LAMB3: variants seen among roughly 807,000 people sequenced by gnomAD.
LAMB3 encodes laminin subunit beta-3.
Under a neutral mutation model 140.3 loss-of-function variants are expected in LAMB3, and 104 were observed. The ratio of observed to expected loss-of-function variants is 0.74; its 90% CI spans 0.63 to 0.87. The LOEUF (loss-of-function observed/expected upper bound fraction) is 0.87, where lower values mean the gene tolerates loss of function less well. Among genes scored for constraint, LAMB3 ranks in the 40% least tolerant of loss-of-function variants. The pLI is 0.00. For synonymous variants in LAMB3, 592 were observed against 602.9 expected (o/e 0.98, Z 0.26); for missense variants, 1,531 against 1,575.2 (o/e 0.97, Z 0.47).
intron 6 of LAMB3, among the ~76,000 whole-genome samples, chr1:209,633,906 A>G (rs1392291067): frequency 6.6e-6 from 1 of 152,196 alleles, no homozygotes; most frequent in African/African-American, 2.4e-5. Context: ...AGGGAGAAAC[A>G]TTCTGAGTTT....
intron 6 of LAMB3, 140 bp downstream of exon 6, chr1:209,634,306 AC>A: frequency 4.8e-6 from 4 of 830,310 alleles, no homozygotes; most frequent in Admixed American, 1.9e-5. Context: ...AGGGGTCATT[AC>A]TGGTGGGAAT....
Position 209,618,587 on chromosome 1 carries a change from G to A in LAMB3, c.2774C>T (p.Ser925Leu), listed in dbSNP as rs572365081. The A allele has an allele frequency of 6.2e-7, 1 of 1,614,278 alleles. No individual in the cohort carries two copies. The highest frequency in any genetic ancestry group is 1.1e-5 in the South Asian group (1 of 91,090). The change falls in exon 19 of 23, where the codon TCA becomes TTA. Residue 925 changes from serine to leucine, a missense_variant. Coordinates refer to ENST00000356082, the MANE Select transcript of LAMB3 (RefSeq NM_000228.3). ...ATTCATCTTCTGCAGAACAGTAGCT[G>A]AGTCTGTGGGCAGCCACAGGGCCAG... ...AVLALWLPTD[S>L]ATVLQKMNEI...
In LAMB3 at chr1:209,634,461, G is replaced by A. The variant is rs1666818414; in HGVS notation, c.550C>T (p.Leu184=). ...CCTCTACCTACCTTCCCCCCATTTA[G>A]GCGTGCATTAGGCCTCTGAGGCAGG... The part of the protein sequence containing the change: ...QSLPQRPNAR[L]NGGKVQLNLM... The change falls in exon 6 of 23, where the codon CTA becomes TTA. Residue 184 remains leucine, a synonymous_variant. Coordinates refer to ENST00000356082, the MANE Select transcript of LAMB3 (RefSeq NM_000228.3). 1 of 1,613,970 alleles carries A rather than the reference G, an allele frequency of 6.2e-7. No homozygotes were observed. The highest frequency in any genetic ancestry group is 1.3e-5 in the African/African-American group (1 of 74,886).
At chr1:209,616,767 T>C (rs1411489128) in intron 21 of LAMB3, 143 bp from the exon 22 acceptor site, 3 of 793,170 alleles carry the variant, frequency 3.8e-6, no homozygotes, top group Admixed American at 4.0e-5. Context: ...GTTTTGCCTA[T>C]TGAAACCCCT....
chr1:209,615,260 A>G lies in LAMB3; in HGVS notation c.*11T>C, dbSNP rs1665910180. 1.9e-6 allele frequency: 3 copies of G among 1,614,098 alleles called. No individual in the cohort carries two copies. Among genetic ancestry groups the G allele is most frequent in the Non-Finnish European group, 2.5e-6 (3 of 1,180,028 alleles). ...GCAGATGAGTGGGGCAACGGGCTGGAAGCTGTAGCATCACTTGCAGGTGGC... is the reference window on the plus strand; with the variant it reads ...GCAGATGAGTGGGGCAACGGGCTGGGAGCTGTAGCATCACTTGCAGGTGGC... On this transcript the variant is annotated 3_prime_UTR_variant, in exon 23 of 23. Coordinates refer to ENST00000356082, the MANE Select transcript of LAMB3 (RefSeq NM_000228.3).
At chr1:209,640,905 C>T (rs1181854351) in intron 3 of LAMB3, among the ~76,000 whole-genome samples, 1 of 151,768 alleles carries the variant, frequency 6.6e-6, no homozygotes, top group Non-Finnish European at 1.5e-5. Context: ...CACAGTGAAA[C>T]CCCCTCTCTA....
At position 209,617,961 on chromosome 1, in the gene LAMB3, G is replaced by GT; in HGVS notation, c.2996dup (p.Asp999GlufsTer19). The GT allele has an allele frequency of 1.9e-6, 3 of 1,614,208 alleles. No homozygotes were observed. The highest frequency in any genetic ancestry group is 2.5e-6 in the Non-Finnish European group (3 of 1,180,044). ...GGGAGCGGCTGGTGCCTTGCATGGTGTCCTGAGCTTCCTGCAGTGCCACTG... is the reference window on the plus strand; with the variant it reads ...GGGAGCGGCTGGTGCCTTGCATGGTGTTCCTGAGCTTCCTGCAGTGCCACTG... On this transcript the variant is annotated frameshift_variant, in exon 20 of 23. Transcript: ENST00000356082. LOFTEE classifies it high-confidence loss of function.
chr1:209,628,338 G>A (rs1666554003), intron 10 of LAMB3, 148 bp from the exon 11 acceptor site: 3 of 859,504 alleles, frequency 3.5e-6, no homozygotes, highest in Non-Finnish European at 5.6e-6. Flanking sequence ...ATCCCTCTGT[G>A]CCTCAATTTC....
rs1306178274 is a variant in LAMB3, at chr1:209,616,701, T to C, written c.3229-77A>G. The stretch of plus-strand genomic sequence containing the variant: ...AGACCTGTGGCCAAAGCACTTGATA[T>C]CACCCAAATCAATACACAGTGGGAA... On this transcript the variant is annotated intron_variant, in intron 21 of 22. Transcript: ENST00000356082. 14 of 1,409,186 alleles carry C rather than the reference T, an allele frequency of 9.9e-6. No homozygotes were observed. The African/African-American group carries it at 1.8e-4, about 18-fold the overall frequency. The allele number at this position is 1,409,186 out of a possible 1,614,324, so 87.3% of individuals were successfully genotyped here.
Position 209,627,493 on chromosome 1 carries a change from C to T in LAMB3, c.1375G>A (p.Gly459Ser). 6.2e-7 allele frequency: 1 copy of T among 1,614,064 alleles called. No individual in the cohort carries two copies. The highest frequency in any genetic ancestry group is 8.5e-7 in the Non-Finnish European group (1 of 1,180,004). ...GGAGCACACTGGTCACATTTGGGAC[C>T]CACCACGTTGGGCAGACAAAGGCAG... ...GRCLCLPNVV[G>S]PKCDQCAPYH... is the part of the protein sequence containing the mutation. Residue 459 changes from glycine to serine, a missense_variant, in exon 12 of 23, where the codon GGT becomes AGT. By Grantham distance (56) the Gly-to-Ser change is moderately conservative. Coordinates refer to ENST00000356082, the MANE Select transcript of LAMB3 (RefSeq NM_000228.3).
At chr1:209,650,653 G>A (rs2076557252) in intron 2 of LAMB3, among the ~76,000 whole-genome samples, 10 of 152,240 alleles carry the variant, frequency 6.6e-5, no homozygotes, top group Admixed American at 6.5e-4. Context: ...GGAAACTGTG[G>A]AGAGCACTCA....
chr1:209,650,466 A>G (rs1172040053), intron 2 of LAMB3, among the ~76,000 whole-genome samples: 2 of 152,218 alleles, frequency 1.3e-5, no homozygotes, highest in African/African-American at 4.8e-5. Flanking sequence ...CTCTGTCAGC[A>G]GCCCAGAGGA....
intron 10 of LAMB3, among the ~76,000 whole-genome samples, 191 bp downstream of exon 10, chr1:209,629,546 G>C (rs1242408550): frequency 6.6e-6 from 1 of 152,122 alleles, no homozygotes; most frequent in Non-Finnish European, 1.5e-5. Context: ...CTGATTGATG[G>C]TCCAGAGAGG....
intron 8 of LAMB3, among the ~76,000 whole-genome samples, chr1:209,632,076 A>C (rs1666711843): frequency 6.6e-6 from 1 of 152,202 alleles, no homozygotes; most frequent in South Asian, 2.1e-4. Context: ...TGCTGAAGCC[A>C]ATCCGCCTGG....
chr1:209,620,841 T>C (rs182821630), intron 18 of LAMB3, among the ~76,000 whole-genome samples: 348 of 152,334 alleles, frequency 2.3e-3, no homozygotes, highest in African/African-American at 7.9e-3. Flanking sequence ...GGAAAGGCGA[T>C]GTTTCCTCCT....
At chr1:209,626,840 A>G (rs1188610293) in intron 13 of LAMB3, 27 bp downstream of exon 13, 5 of 1,570,120 alleles carry the variant, frequency 3.2e-6, no homozygotes, top group Admixed American at 1.7e-5. Flanking sequence ...CCAGAGCCTC[A>G]GCGTCCCCCA....
At position 209,616,643 on chromosome 1, in the gene LAMB3, TC is replaced by T; in HGVS notation, c.3229-20del. Reference sequence around the variant, plus strand: ...CAAATCCCTGAAAAAGGTAGAATAGTCTCAGTGTCATTGTCATCATGCAAGG... The same window carrying T: ...CAAATCCCTGAAAAAGGTAGAATAGTTCAGTGTCATTGTCATCATGCAAGG... On this transcript the variant is annotated intron_variant, in intron 21 of 22. Coordinates refer to ENST00000356082, the MANE Select transcript of LAMB3 (RefSeq NM_000228.3). 6.2e-7 allele frequency: 1 copy of T among 1,613,640 alleles called. No individual in the cohort carries two copies. The highest frequency in any genetic ancestry group is 2.2e-5 in the East Asian group (1 of 44,892).
Position 209,637,960 on chromosome 1 carries a change from T to A in LAMB3, c.320A>T (p.Gln107Leu). The A allele has an allele frequency of 1.2e-6, 2 of 1,613,282 alleles. No homozygotes were observed. The highest frequency in any genetic ancestry group is 1.7e-6 in the Non-Finnish European group (2 of 1,179,668). The change falls in exon 5 of 23, where the codon CAG becomes CTG. Residue 107 changes from glutamine (Q) to leucine (L), a missense_variant. By Grantham distance (113) the Gln-to-Leu change is moderately radical (BLOSUM62 -2). Coordinates refer to ENST00000356082, the MANE Select transcript of LAMB3 (RefSeq NM_000228.3). Reference protein sequence around the residue: ...SQNDVNPVSLQLDLDRRFQLQ... With the variant: ...SQNDVNPVSLLLDLDRRFQLQ... ...CTGGAATCTCCTGTCCAGGTCCAGC[T>A]GCAGAGAGACAGGGTTCACATCTGG...
intron 7 of LAMB3, 59 bp from the exon 8 acceptor site, chr1:209,632,835 GT>G (rs1666744382): frequency 6.5e-7 from 1 of 1,537,738 alleles, no homozygotes; most frequent in Non-Finnish European, 9.0e-7. Context: ...AAGAAAGGAA[GT>G]TAGAGGCACA....
Sources: gnomAD v4.1 joint callset for allele counts (sites outside exome capture counted in the v4.1 genomes callset) on GRCh38, gnomAD v4.1.1 for gene constraint, MANE v1.5 for transcripts, NCBI Gene and HGNC (gene_info 2026-07-23, HGNC 2026-07-21) for gene names.